The following TMPRSS15 variants were observed in gnomAD, a reference collection of about 807,000 sequenced individuals.
The protein encoded by TMPRSS15 is transmembrane serine protease 15.
A neutral mutation model predicts 125.3 loss-of-function variants in TMPRSS15; 128 were observed. The observed-to-expected ratio is 1.02, with a 90% CI of 0.89 to 1.18. The LOEUF (loss-of-function observed/expected upper bound fraction) is 1.18, where lower values mean the gene tolerates loss of function less well. Among genes scored for constraint, TMPRSS15 ranks in the 50% most tolerant of loss-of-function variants. The pLI is 0.00. For missense variants in TMPRSS15, 1,283 were observed against 1,212.7 expected, an observed-to-expected ratio of 1.06 and a Z score of -0.86; for synonymous variants, 446 against 423.2, an observed-to-expected ratio of 1.05 and a Z score of -0.66.
At position 18,357,063 on chromosome 21, in the gene TMPRSS15, G is replaced by A. The variant is rs2075632123; in HGVS notation, c.880+2694C>T. 2.0e-5 allele frequency among the ~76,000 whole-genome samples: 3 copies of A among 151,794 alleles called. No homozygotes were observed. In the East Asian group the frequency reaches 5.8e-4, roughly 29 times the overall value. On this transcript the variant is annotated intron_variant, in intron 8 of 24. Transcript: ENST00000284885. ...AGCATTTTGAAACCGTTTTCAGTGT[G>A]CTAACCTAGGCATTTTTGTTGTCTT...
intron 22 of TMPRSS15, among the ~76,000 whole-genome samples, chr21:18,279,648 A>G (rs1455721625): frequency 6.6e-6 from 1 of 151,282 alleles, no homozygotes; most frequent in Non-Finnish European, 1.5e-5. Context: ...TTTCTCTTTT[A>G]TAGTGTAAAA....
chr21:18,447,069 C>T (rs1272648978), intron 1 of TMPRSS15, among the ~76,000 whole-genome samples: 1 of 152,048 alleles, frequency 6.6e-6, no homozygotes, highest in Non-Finnish European at 1.5e-5. Flanking sequence ...ATATAAGCAA[C>T]TCAAATAACA....
In TMPRSS15 at chr21:18,365,583, TTTCC is replaced by T. The variant is rs755590532; in HGVS notation, c.665-339_665-336del. On this transcript the variant is annotated intron_variant, in intron 6 of 24. Coordinates refer to ENST00000284885, the MANE Select transcript of TMPRSS15 (RefSeq NM_002772.3). Reference sequence around the variant, plus strand: ...CTTTCTTTCTCTCTCTTTCTCTCTTTTTCCTTCCTTCCTTCCTTCTTTCCTTCCT... The same window carrying T: ...CTTTCTTTCTCTCTCTTTCTCTCTTTTTCCTTCCTTCCTTCTTTCCTTCCT... Among the ~76,000 whole-genome samples, 506 of 128,432 alleles carry T rather than the reference TTTCC, an allele frequency of 3.9e-3. 16 individuals are homozygous for T. Among genetic ancestry groups the T allele is most frequent in the Non-Finnish European group, 5.1e-3 (291 of 56,794 alleles). 84.3% of individuals were successfully genotyped at this position (128,432 alleles called of 152,430 possible).
Position 18,403,587 on chromosome 21 carries a change from A to G in TMPRSS15, c.36T>C (p.His12=), listed in dbSNP as rs1237217076. Residue 12 remains histidine, a synonymous_variant, in exon 1 of 25, where the codon CAT becomes CAC. Transcript: ENST00000284885. Reference sequence around the variant, plus strand: ...ACATGATTTCATAGGAGCTGAGAGAATGATGCCTAGAAGATATGCCTCTTT... The same window carrying G: ...ACATGATTTCATAGGAGCTGAGAGAGTGATGCCTAGAAGATATGCCTCTTT... The part of the protein sequence containing the change: ...GSKRGISSRH[H]SLSSYEIMFA... 1.9e-6 allele frequency: 3 copies of G among 1,614,076 alleles called. No homozygotes were observed. The African/African-American group carries it at 4.0e-5, about 22-fold the overall frequency.
rs1242694771 is a variant in TMPRSS15 at position 18,343,487 on chromosome 21, A to T, written c.1428+19T>A. ...CCACAAAAAGGATACAAATATAAAT[A>T]ATAAAGTATTTTGCAAACCTTAAAT... is the stretch of plus-strand genomic sequence containing the variant. On this transcript the variant is annotated intron_variant, in intron 12 of 24. Transcript: ENST00000284885. 6.4e-7 allele frequency: 1 copy of T among 1,570,386 alleles called. No individual in the cohort carries two copies. Among genetic ancestry groups the T allele is most frequent in the East Asian group, 2.2e-5 (1 of 44,558 alleles).
intron 21 of TMPRSS15, among the ~76,000 whole-genome samples, chr21:18,281,567 G>A (rs1488281864): frequency 2.6e-5 from 4 of 151,998 alleles, no homozygotes; most frequent in Admixed American, 2.6e-4. Flanking sequence ...AATGTACTGG[G>A]TCTGGAATAG....
At chr21:18,475,061 AT>A (rs1433568507) in intron 1 of TMPRSS15, among the ~76,000 whole-genome samples, 6 of 152,086 alleles carry the variant, frequency 3.9e-5, no homozygotes, top group Non-Finnish European at 5.9e-5. Context: ...TTTTAACATT[AT>A]TTCTAGGACA....
chr21:18,457,033 A>G (rs1367303849), intron 1 of TMPRSS15, among the ~76,000 whole-genome samples: 1 of 152,116 alleles, frequency 6.6e-6, no homozygotes, highest in Non-Finnish European at 1.5e-5. Flanking sequence ...ACAGAGAGAC[A>G]TTTGAATTTG....
chr21:18,344,999 A>C (rs2075490044), intron 10 of TMPRSS15, among the ~76,000 whole-genome samples: 1 of 152,206 alleles, frequency 6.6e-6, no homozygotes, highest in Non-Finnish European at 1.5e-5. Context: ...CTTTAAACTC[A>C]TTCATTTATG....
chr21:18,295,277 T>G (rs2074891228), intron 19 of TMPRSS15, among the ~76,000 whole-genome samples: 1 of 152,182 alleles, frequency 6.6e-6, no homozygotes, highest in Non-Finnish European at 1.5e-5. Flanking sequence ...AAATACCAAC[T>G]TTTTTCAGTG....
At chr21:18,344,206 G>C (rs528121988) in intron 10 of TMPRSS15, 146 bp from the exon 11 acceptor site, 2 of 719,020 alleles carry the variant, frequency 2.8e-6, no homozygotes, top group East Asian at 2.7e-5. Flanking sequence ...CACTAGACTC[G>C]AGCTCAGAAA....
chr21:18,365,984 C>A (rs1336237910), intron 6 of TMPRSS15, among the ~76,000 whole-genome samples: 16 of 151,896 alleles, frequency 1.1e-4, no homozygotes, highest in Non-Finnish European at 2.9e-5. Flanking sequence ...ATCTGCACTC[C>A]TAGGACTCCC....
At chr21:18,463,686 C>T (rs1978597794) in intron 1 of TMPRSS15, among the ~76,000 whole-genome samples, 1 of 152,034 alleles carries the variant, frequency 6.6e-6, no homozygotes, top group Admixed American at 6.6e-5. Context: ...TAAAATCAAC[C>T]ACATAATTGG....
intron 1 of TMPRSS15, among the ~76,000 whole-genome samples, chr21:18,464,658 G>C (rs899594012): frequency 1.3e-5 from 2 of 151,920 alleles, no homozygotes; most frequent in African/African-American, 4.8e-5. Context: ...TAGAAAATCT[G>C]GAAAAAATGG....
intron 21 of TMPRSS15, 103 bp from the exon 22 acceptor site, chr21:18,281,324 T>C (rs990086661): frequency 2.6e-5 from 26 of 992,702 alleles, no homozygotes; most frequent in Non-Finnish European, 3.8e-5. Context: ...TATCCTGAAA[T>C]GTTCTTTAAT....
At chr21:18,365,486 CTCCT>C (rs1228848610) in intron 6 of TMPRSS15, among the ~76,000 whole-genome samples, 1 of 151,170 alleles carries the variant, frequency 6.6e-6, no homozygotes, top group African/African-American at 2.4e-5. Flanking sequence ...CTCTTTCTTT[CTCCT>C]TCCTTTTCCC....
At chr21:18,444,798 T>C (rs972638759) in intron 1 of TMPRSS15, among the ~76,000 whole-genome samples, 24 of 152,026 alleles carry the variant, frequency 1.6e-4, no homozygotes, top group Non-Finnish European at 3.4e-4. Context: ...TGCCAGAACA[T>C]TTTCCTCCTA....
chr21:18,287,351 C>T (rs1601276246), intron 21 of TMPRSS15, among the ~76,000 whole-genome samples: 1 of 152,188 alleles, frequency 6.6e-6, no homozygotes, highest in Non-Finnish European at 1.5e-5. Context: ...TATCAATCCA[C>T]ATAATTTCAC....
chr21:18,484,408 G>A (rs1276754939), intron 1 of TMPRSS15, among the ~76,000 whole-genome samples: 1 of 151,756 alleles, frequency 6.6e-6, no homozygotes, highest in Non-Finnish European at 1.5e-5. Context: ...TATTTGTTTA[G>A]TAGCATAATT....
Sources: gnomAD v4.1 joint callset for allele counts (sites outside exome capture counted in the v4.1 genomes callset) on GRCh38, gnomAD v4.1.1 for gene constraint, MANE v1.5 for transcripts, NCBI Gene and HGNC (gene_info 2026-07-23, HGNC 2026-07-21) for gene names.